The following ATP8B1 variants were observed in gnomAD, a reference collection of about 807,000 sequenced individuals.
The protein encoded by ATP8B1 is ATPase phospholipid transporting 8B1, also known as phospholipid-transporting ATPase IC.
In ATP8B1, 80 loss-of-function variants were observed where a neutral mutation model predicts 149.9. That is an observed-to-expected ratio of 0.53 (90% CI 0.45 to 0.64). The LOEUF (loss-of-function observed/expected upper bound fraction) is 0.64, where lower values mean the gene tolerates loss of function less well. Among genes scored for constraint, ATP8B1 ranks in the 30% least tolerant of loss-of-function variants. The pLI is 0.00. For missense variants in ATP8B1, 1,247 were observed against 1,552.6 expected, an observed-to-expected ratio of 0.80 and a Z score of 3.31; for synonymous variants, 536 against 562.8, an observed-to-expected ratio of 0.95 and a Z score of 0.67.
At chr18:57,725,248 T>C (rs1413864143) in intron 2 of ATP8B1, among the ~76,000 whole-genome samples, 1 of 48,252 alleles carries the variant, frequency 2.1e-5, no homozygotes, top group African/African-American at 5.0e-5. Flanking sequence ...ACTTAAAGTA[T>C]AATAAAAAAA....
chr18:57,694,168 G>A (rs1912683352), intron 11 of ATP8B1, among the ~76,000 whole-genome samples: 1 of 152,110 alleles, frequency 6.6e-6, no homozygotes, highest in Non-Finnish European at 1.5e-5. Context: ...TGTATTTGGA[G>A]CTATACAGTA....
At chr18:57,672,295 G>A (rs1911254748) in intron 16 of ATP8B1, among the ~76,000 whole-genome samples, 1 of 152,034 alleles carries the variant, frequency 6.6e-6, no homozygotes, top group Admixed American at 6.6e-5. Flanking sequence ...CACTCCTAAT[G>A]ACCATTTTTT....
At chr18:57,660,104 C>T (rs962134354) in intron 22 of ATP8B1, among the ~76,000 whole-genome samples, 1 of 152,092 alleles carries the variant, frequency 6.6e-6, no homozygotes, top group Non-Finnish European at 1.5e-5. Flanking sequence ...ATTTTTAATA[C>T]AAGATACTCC....
chr18:57,744,043 G>A (rs1313008931), intron 1 of ATP8B1, among the ~76,000 whole-genome samples: 2 of 152,130 alleles, frequency 1.3e-5, no homozygotes, highest in Non-Finnish European at 2.9e-5. Context: ...GGCCGAACGC[G>A]GTGGCTCACA....
intron 19 of ATP8B1, chr18:57,667,952 A>G (rs1351717669): frequency 1.5e-6 from 1 of 672,164 alleles, no homozygotes; most frequent in African/African-American, 1.9e-5. Flanking sequence ...ATCAATACCA[A>G]ACAAGTGCTT....
intron 24 of ATP8B1, among the ~76,000 whole-genome samples, chr18:57,653,175 C>T (rs2122568745): frequency 6.6e-6 from 1 of 151,804 alleles, no homozygotes; most frequent in South Asian, 2.1e-4. Context: ...TAAAAATATG[C>T]ACTAGCTACA....
chr18:57,781,445 A>C (rs770789050), intron 1 of ATP8B1, among the ~76,000 whole-genome samples: 2 of 152,228 alleles, frequency 1.3e-5, no homozygotes, highest in Non-Finnish European at 2.9e-5. Context: ...AAAAATATCC[A>C]AAATTCTTTA....
At chr18:57,747,658 C>T (rs929031684) in intron 1 of ATP8B1, among the ~76,000 whole-genome samples, 1 of 152,132 alleles carries the variant, frequency 6.6e-6, no homozygotes, top group Non-Finnish European at 1.5e-5. Flanking sequence ...AGGTGATTGG[C>T]ACATTAAGTA....
In ATP8B1 at chr18:57,695,491, T is replaced by G. The variant is rs1338514004; in HGVS notation, c.740A>C (p.Asp247Ala). 5.0e-6 allele frequency: 8 copies of G among 1,612,806 alleles called. No individual in the cohort carries two copies. In the African/African-American group the frequency reaches 5.3e-5, roughly 11 times the overall value. ...LKFKMSLEITDQYLQREDTLA... is the reference protein window; with the variant it reads ...LKFKMSLEITAQYLQREDTLA... ...TGTATCTTCTCTTTGGAGGTACTGGTCTGTGATTTCAAGTGACATCTTAAA... is the reference window on the plus strand; with the variant it reads ...TGTATCTTCTCTTTGGAGGTACTGGGCTGTGATTTCAAGTGACATCTTAAA... The change falls in exon 9 of 28, where the codon GAC (aspartate) becomes GCC (alanine). Residue 247 changes from aspartate to alanine, a missense_variant. Asp to Ala is a moderately radical substitution (Grantham distance 126). Around this residue, in one of 3 missense-constraint regions of ATP8B1, gnomAD observed 853 missense variants for 1,035.7 expected, o/e 0.82. Coordinates refer to ENST00000648908, the MANE Select transcript of ATP8B1 (RefSeq NM_001374385.1).
chr18:57,773,008 G>A (rs542746629), intron 1 of ATP8B1, among the ~76,000 whole-genome samples: 3 of 151,872 alleles, frequency 2.0e-5, no homozygotes, highest in Admixed American at 1.3e-4. Flanking sequence ...CCAACACTAC[G>A]GGAGGCAGAG....
intron 26 of ATP8B1, 50 bp from the exon 27 acceptor site, chr18:57,650,547 C>T (rs781394442): frequency 6.3e-7 from 1 of 1,597,756 alleles, no homozygotes; most frequent in South Asian, 1.1e-5. Flanking sequence ...TTCCTAAGAA[C>T]ATAGTTAATA....
chr18:57,797,201 A>C (rs1423560478), intron 1 of ATP8B1, among the ~76,000 whole-genome samples: 1 of 152,188 alleles, frequency 6.6e-6, no homozygotes, highest in East Asian at 1.9e-4. Context: ...GTGCAACTCA[A>C]TTTCAATAAA....
At position 57,694,685 on chromosome 18, in the gene ATP8B1, T is replaced by A; in HGVS notation, c.941-15A>T. The A allele has an allele frequency of 6.7e-7, 1 of 1,498,590 alleles. No homozygotes were observed. Among genetic ancestry groups the A allele is most frequent in the Non-Finnish European group, 9.3e-7 (1 of 1,075,786 alleles). 92.8% of individuals were successfully genotyped at this position (1,498,590 alleles called of 1,614,324 possible). On this transcript the variant is annotated splice_polypyrimidine_tract_variant and intron_variant, in intron 10 of 27. Coordinates refer to ENST00000648908, the MANE Select transcript of ATP8B1 (RefSeq NM_001374385.1). The stretch of plus-strand genomic sequence containing the variant: ...AGTGTCAGCACCTGAAAATGGAAAA[T>A]TCAATGTAGTCATCAGTTGGGAAAA...
intron 1 of ATP8B1, among the ~76,000 whole-genome samples, chr18:57,771,997 G>A (rs1437066112): frequency 1.3e-5 from 2 of 152,156 alleles, no homozygotes; most frequent in African/African-American, 2.4e-5. Context: ...AACATGTTAT[G>A]TTGGTTAACT....
In ATP8B1 at chr18:57,731,741, G is replaced by A; in HGVS notation, c.67C>T (p.Pro23Ser). The change falls in exon 2 of 28, where the codon CCC becomes TCC. Residue 23 changes from proline to serine, a missense_variant. Around this residue, in one of 3 missense-constraint regions of ATP8B1, gnomAD observed 853 missense variants for 1,035.7 expected, o/e 0.82. Coordinates refer to ENST00000648908, the MANE Select transcript of ATP8B1 (RefSeq NM_001374385.1). ...EDSQPNDEVVPYSDDETEDEL... is the reference protein window; with the variant it reads ...EDSQPNDEVVSYSDDETEDEL... ...TCTTCTGTTTCATCATCACTGTAGGGAACCACTTCGTCATTAGGCTGAGAA... is the reference window on the plus strand; with the variant it reads ...TCTTCTGTTTCATCATCACTGTAGGAAACCACTTCGTCATTAGGCTGAGAA... 6.2e-7 allele frequency: 1 copy of A among 1,614,062 alleles called. No individual in the cohort carries two copies. Among genetic ancestry groups the A allele is most frequent in the Non-Finnish European group, 8.5e-7 (1 of 1,180,022 alleles).
chr18:57,768,406 AAAAAG>A (rs1342654573), intron 1 of ATP8B1, among the ~76,000 whole-genome samples: 8 of 119,996 alleles, frequency 6.7e-5, no homozygotes, highest in Admixed American at 3.5e-4. Flanking sequence ...AAAAAAAAAA[AAAAAG>A]AAAAGAAAAG....
In ATP8B1 at chr18:57,668,272, G is replaced by A. The variant is rs79615268; in HGVS notation, c.2209+157C>T. ...GGAAAGGATGCAGAAGAATGTGCTG[G>A]AAAAACAGAGGAGGGTTTCTCAGAA... On this transcript the variant is annotated intron_variant, in intron 19 of 27. Coordinates refer to ENST00000648908, the MANE Select transcript of ATP8B1 (RefSeq NM_001374385.1). 930 of 1,330,528 alleles carry A rather than the reference G, an allele frequency of 7.0e-4. 12 individuals are homozygous for A. In the African/African-American group the frequency reaches 0.012, roughly 18 times the overall value. 82.4% of individuals were successfully genotyped at this position (1,330,528 alleles called of 1,614,324 possible). A position where few individuals can be genotyped will look rare whatever the true frequency, so the allele number is the denominator to read the frequency against.
chr18:57,653,869 A>C, intron 24 of ATP8B1, 123 bp downstream of exon 24: 1 of 932,206 alleles, frequency 1.1e-6, no homozygotes. Flanking sequence ...TGACAACAGA[A>C]TTATAATAGG....
chr18:57,680,238 C>G (rs1403183575), intron 15 of ATP8B1, among the ~76,000 whole-genome samples: 2 of 118,418 alleles, frequency 1.7e-5, no homozygotes, highest in East Asian at 5.3e-4. Context: ...GATTGCGGCA[C>G]TGTACTCCAA....
Sources: allele counts gnomAD v4.1 joint callset (sites outside exome capture counted in the v4.1 genomes callset), GRCh38; gene constraint gnomAD v4.1.1; regional missense constraint gnomAD v4.1.1; transcripts MANE v1.5; gene names NCBI Gene and HGNC (gene_info 2026-07-23, HGNC 2026-07-21).